MANBA: variants seen among roughly 807,000 people sequenced by gnomAD.
The protein encoded by MANBA is mannosidase beta, also known as beta-mannosidase.
Under a neutral mutation model 111.1 loss-of-function variants are expected in MANBA, and 83 were observed. The ratio of observed to expected loss-of-function variants is 0.75; its 90% CI spans 0.63 to 0.90. The LOEUF (loss-of-function observed/expected upper bound fraction) is 0.90, where lower values mean the gene tolerates loss of function less well. Ranked by LOEUF, MANBA falls within the 40% of genes least tolerant of loss-of-function variation. MANBA has a pLI of 0.00. For synonymous variants in MANBA, 370 were observed against 378.7 expected (o/e 0.98, Z 0.27); for missense variants, 1,036 against 1,069.0 (o/e 0.97, Z 0.43).
At chr4:102,728,681 G>T in intron 1 of MANBA, 1 of 590,562 alleles carries the variant, frequency 1.7e-6, no homozygotes, top group South Asian at 1.8e-5. Context: ...CACGTTCCCT[G>T]TGCTCCCTTC....
chr4:102,634,343 G>A (rs1729518060), intron 16 of MANBA, among the ~76,000 whole-genome samples: 1 of 152,224 alleles, frequency 6.6e-6, no homozygotes, highest in South Asian at 2.1e-4. Context: ...GGGCTCCAAT[G>A]CTTCCCAGCT....
chr4:102,633,158 G>C (rs1729464330), intron 16 of MANBA: 1 of 380,112 alleles, frequency 2.6e-6, no homozygotes, highest in East Asian at 3.6e-5. Context: ...TATATTGATA[G>C]AAGCAGAAAA....
intron 1 of MANBA, among the ~76,000 whole-genome samples, chr4:102,756,716 T>C (rs538259273): frequency 1.4e-5 from 2 of 146,654 alleles, no homozygotes; most frequent in Non-Finnish European, 3.0e-5. Context: ...TCAAAAAAAA[T>C]AGTGGTTATC....
At chr4:102,696,014 G>A (rs540557405) in intron 5 of MANBA, among the ~76,000 whole-genome samples, 15 of 152,096 alleles carry the variant, frequency 9.9e-5, no homozygotes, top group Non-Finnish European at 1.9e-4. Context: ...GATCTCTTGA[G>A]CCCAGGTGTT....
intron 13 of MANBA, among the ~76,000 whole-genome samples, chr4:102,649,848 G>A (rs999593162): frequency 5.3e-5 from 8 of 152,000 alleles, no homozygotes; most frequent in South Asian, 2.1e-4. Context: ...ATGTTTTCTC[G>A]AAGCTTTATT....
intron 1 of MANBA, among the ~76,000 whole-genome samples, chr4:102,746,744 G>A (rs936215111): frequency 3.9e-5 from 6 of 152,158 alleles, no homozygotes; most frequent in East Asian, 3.8e-4. Flanking sequence ...AGGCCAAGGC[G>A]GGAGGGTCAT....
intron 6 of MANBA, among the ~76,000 whole-genome samples, chr4:102,690,017 CTT>C (rs1732404230): frequency 6.6e-6 from 1 of 152,122 alleles, no homozygotes. Flanking sequence ...GAAGTTGACT[CTT>C]CTTTCAAGCC....
At chr4:102,741,197 T>G (rs781087928) in intron 1 of MANBA, among the ~76,000 whole-genome samples, 2 of 151,964 alleles carry the variant, frequency 1.3e-5, no homozygotes, top group Non-Finnish European at 1.5e-5. Flanking sequence ...TTTAAAAATG[T>G]TTAACATCAC....
chr4:102,735,702 G>A (rs1471322544), intron 1 of MANBA, among the ~76,000 whole-genome samples: 1 of 152,124 alleles, frequency 6.6e-6, no homozygotes, highest in African/African-American at 2.4e-5. Flanking sequence ...AAGGACCCAT[G>A]TCAGCCTGAG....
chr4:102,718,730 T>C (rs2110278512), intron 4 of MANBA, among the ~76,000 whole-genome samples: 1 of 152,326 alleles, frequency 6.6e-6, no homozygotes, highest in Admixed American at 6.5e-5. Flanking sequence ...TTCTTTTCTA[T>C]TTTCCCTAAG....
chr4:102,745,991 C>T (rs1236543163), intron 1 of MANBA, among the ~76,000 whole-genome samples: 4 of 152,114 alleles, frequency 2.6e-5, no homozygotes, highest in African/African-American at 4.8e-5. Flanking sequence ...GGAGAATCAA[C>T]GTTATTTTGC....
chr4:102,671,963 G>T, intron 8 of MANBA: 1 of 403,294 alleles, frequency 2.5e-6, no homozygotes, highest in South Asian at 1.2e-4. Context: ...AGGCTGGGCA[G>T]ACCCAGAGCA....
intron 5 of MANBA, among the ~76,000 whole-genome samples, chr4:102,693,852 C>A (rs1578908840): frequency 6.6e-6 from 1 of 152,102 alleles, no homozygotes; most frequent in Non-Finnish European, 1.5e-5. Context: ...GACAAAAAAA[C>A]CTCTGCCTCA....
intron 10 of MANBA, 188 bp from the exon 11 acceptor site, chr4:102,665,040 T>G: frequency 1.7e-6 from 1 of 583,042 alleles, no homozygotes; most frequent in South Asian, 2.0e-5. Context: ...GAGATTCTTT[T>G]TAACTAGATT....
At chr4:102,650,765 T>C in intron 12 of MANBA, 64 bp from the exon 13 acceptor site, 1 of 1,333,540 alleles carries the variant, frequency 7.5e-7, no homozygotes, top group Non-Finnish European at 1.1e-6. Flanking sequence ...TTTCTATAAG[T>C]TCCTGACAAA....
chr4:102,756,696 T>C (rs1466138363), intron 1 of MANBA, among the ~76,000 whole-genome samples: 1 of 149,688 alleles, frequency 6.7e-6, no homozygotes, highest in Non-Finnish European at 1.5e-5. Context: ...ATTAGTCACA[T>C]GAACAGCTGT....
intron 1 of MANBA, chr4:102,728,967 C>A (rs1722918810): frequency 2.4e-6 from 2 of 827,332 alleles, no homozygotes; most frequent in South Asian, 1.3e-5. Flanking sequence ...ATCCCAGAGT[C>A]CAGCTGGCTC....
chr4:102,756,739 G>A (rs1578965332), intron 1 of MANBA, among the ~76,000 whole-genome samples: 1 of 136,566 alleles, frequency 7.3e-6, no homozygotes, highest in East Asian at 2.3e-4. Context: ...TGGGAGTGAT[G>A]TTTCCAACCT....
rs200108764 is a variant in MANBA, at chr4:102,632,800, A to AT, written c.2416-520dup. On this transcript the variant is annotated intron_variant, in intron 16 of 16. Transcript: ENST00000647097. ...AGTTAAGTAAAGTCACATTATTAGCATTTTTTTTACATGTGTGAATTCCAC... is the reference window on the plus strand; with the variant it reads ...AGTTAAGTAAAGTCACATTATTAGCATTTTTTTTTACATGTGTGAATTCCAC... Among the ~76,000 whole-genome samples the AT allele has an allele frequency of 2.0e-3, 305 of 152,224 alleles. 4 individuals carry two copies. The highest frequency in any genetic ancestry group is 7.2e-3 in the African/African-American group (300 of 41,562).
Sources: gnomAD v4.1 joint callset for allele counts (sites outside exome capture counted in the v4.1 genomes callset) on GRCh38, gnomAD v4.1.1 for gene constraint, MANE v1.5 for transcripts, NCBI Gene and HGNC (gene_info 2026-07-23, HGNC 2026-07-21) for gene names.